Variants in TMIE observed in about 807,000 individuals in gnomAD.
TMIE encodes transmembrane inner ear expressed protein.
Under a neutral mutation model 16.8 loss-of-function variants are expected in TMIE, and 14 were observed. That is an observed-to-expected ratio of 0.83 (90% CI 0.55 to 1.30). TMIE has a LOEUF of 1.30. Among genes scored for constraint, TMIE ranks in the 50% most tolerant of loss-of-function variants. The probability of loss-of-function intolerance (pLI) is 0.00; values close to 1 mark genes in which losing one functional copy is unlikely to be tolerated. For synonymous variants in TMIE, 75 were observed against 87.2 expected (o/e 0.86, Z 0.78); for missense variants, 204 against 205.9 (o/e 0.99, Z 0.06).
intron 3 of TMIE, 31 bp downstream of exon 3, chr3:46,709,306 G>A (rs772204699): frequency 2.5e-5 from 40 of 1,610,420 alleles, no homozygotes; most frequent in East Asian, 4.5e-5. Flanking sequence ...GCCCTGCTGC[G>A]CCAGCCAGTT....
intron 1 of TMIE, among the ~76,000 whole-genome samples, chr3:46,703,494 C>T (rs1254481192): frequency 6.6e-6 from 1 of 152,160 alleles, no homozygotes; most frequent in Non-Finnish European, 1.5e-5. Flanking sequence ...ACCCTAATGG[C>T]ACAGACATGT....
chr3:46,704,327 C>T (rs897921294), intron 1 of TMIE, among the ~76,000 whole-genome samples: 10 of 146,478 alleles, frequency 6.8e-5, no homozygotes, highest in Non-Finnish European at 1.5e-4. Context: ...TCCCTAGACA[C>T]CCAGGGCAGG....
At chr3:46,703,663 GC>G (rs1700505974) in intron 1 of TMIE, among the ~76,000 whole-genome samples, 1 of 152,192 alleles carries the variant, frequency 6.6e-6, no homozygotes, top group Non-Finnish European at 1.5e-5. Flanking sequence ...GGAGAAAAGA[GC>G]CTGAGAATCA....
At chr3:46,695,453 A>G (rs1700394259) in intron 1 of TMIE, among the ~76,000 whole-genome samples, 2 of 152,120 alleles carry the variant, frequency 1.3e-5, no homozygotes, top group Non-Finnish European at 2.9e-5. Flanking sequence ...GAGGAGGGGT[A>G]TGGTGGGTTC....
upstream of TMIE, among the ~76,000 whole-genome samples, chr3:46,700,603 C>T (rs1700458449): frequency 6.6e-6 from 1 of 152,150 alleles, no homozygotes. Context: ...ACTCCTCTTC[C>T]TAAGTCTTCA....
rs745816585 is a variant in TMIE, at chr3:46,709,207, C to A, written c.293C>A (p.Ala98Glu). ...GAAGCCCGGTACCTGCAGCGAAAGG[C>A]AGCCAAGATGTACACAGACAAGCTG... is the stretch of plus-strand genomic sequence containing the variant. ...EIEARYLQRK[A>E]AKMYTDKLET... Residue 98 changes from alanine to glutamate, a missense_variant, in exon 3 of 4, where the codon GCA (alanine) becomes GAA (glutamate). Physicochemically the swap from Ala to Glu is moderately radical, Grantham distance 107. Coordinates refer to ENST00000643606, the MANE Select transcript of TMIE (RefSeq NM_147196.3). The A allele has an allele frequency of 6.2e-7, 1 of 1,614,082 alleles. No homozygotes were observed. The highest frequency in any genetic ancestry group is 8.5e-7 in the Non-Finnish European group (1 of 1,180,054).
In TMIE at chr3:46,709,825, C is replaced by A. The variant is rs1700598943; in HGVS notation, c.*137C>A. ...GGGAAGCTGAGGCCCATGGCCACAT[C>A]CTCATGGCCCATCAGGGGCAGGAAC... On this transcript the variant is annotated 3_prime_UTR_variant, in exon 4 of 4. Transcript: ENST00000643606. 6.6e-7 allele frequency: 1 copy of A among 1,523,362 alleles called. No individual in the cohort carries two copies. 94.4% of individuals were successfully genotyped at this position (1,523,362 alleles called of 1,614,324 possible).
upstream of TMIE, among the ~76,000 whole-genome samples, chr3:46,697,540 C>T (rs1312967742): frequency 1.3e-5 from 2 of 152,162 alleles, no homozygotes; most frequent in African/African-American, 2.4e-5. Context: ...TCAGCTGTAT[C>T]CTTCGTAATA....
At chr3:46,708,155 A>G (rs1700575936) in intron 2 of TMIE, among the ~76,000 whole-genome samples, 1 of 152,038 alleles carries the variant, frequency 6.6e-6, no homozygotes, top group Non-Finnish European at 1.5e-5. Flanking sequence ...TTTTTCTTTT[A>G]TTCTGAGCCT....
At chr3:46,699,277 G>A (rs568911420), upstream of TMIE, among the ~76,000 whole-genome samples, 3 of 152,056 alleles carry the variant, frequency 2.0e-5, no homozygotes, top group South Asian at 6.2e-4. Context: ...TCTCCATGTT[G>A]GTCAGGCTGG....
upstream of TMIE, among the ~76,000 whole-genome samples, chr3:46,698,824 C>G (rs928114779): frequency 6.6e-6 from 1 of 151,758 alleles, no homozygotes; most frequent in African/African-American, 2.4e-5. Flanking sequence ...GTTTCTTTTT[C>G]TTTTCTTTTC....
intron 1 of TMIE, among the ~76,000 whole-genome samples, chr3:46,702,835 T>C (rs1473674357): frequency 6.6e-6 from 1 of 152,116 alleles, no homozygotes; most frequent in African/African-American, 2.4e-5. Context: ...TCAGCTCCAG[T>C]GTCCCTGTAA....
At chr3:46,704,201 G>A (rs1299195123) in intron 1 of TMIE, among the ~76,000 whole-genome samples, 1 of 145,650 alleles carries the variant, frequency 6.9e-6, no homozygotes, top group African/African-American at 2.6e-5. Context: ...CACCCAGGGT[G>A]AAGCATATCC....
upstream of TMIE, chr3:46,693,827 C>G (rs1027757132): frequency 6.6e-6 from 1 of 152,046 alleles, no homozygotes; most frequent in Non-Finnish European, 1.5e-5. Flanking sequence ...GGAGCTGGCG[C>G]GCGGTATTGA....
In TMIE at chr3:46,696,198, C is replaced by T. The variant is rs189159854; in HGVS notation, c.-67+1580C>T. On this transcript the variant is annotated intron_variant, in intron 1 of 3. Transcript: ENST00000644830. ...CCACTGGTAAGGACTCCAAGTTGCA[C>T]AACTCTAGTGGCAGCCCTGGGTATG... Among the ~76,000 whole-genome samples the T allele has an allele frequency of 3.3e-3, 505 of 152,328 alleles. 2 individuals carry two copies. The highest frequency in any genetic ancestry group is 0.011 in the African/African-American group (472 of 41,548).
upstream of TMIE, among the ~76,000 whole-genome samples, chr3:46,700,154 G>T (rs949199080): frequency 2.0e-5 from 3 of 152,210 alleles, no homozygotes; most frequent in African/African-American, 7.2e-5. Flanking sequence ...GGGGAGGACT[G>T]GGTGGCCCAG....
chr3:46,699,464 G>C (rs772880739), upstream of TMIE, among the ~76,000 whole-genome samples: 4 of 152,172 alleles, frequency 2.6e-5, no homozygotes, highest in Non-Finnish European at 5.9e-5. Context: ...TGCTGTTTAA[G>C]TTCAGTCAGT....
At chr3:46,696,082 C>T (rs1007472502) in intron 1 of TMIE, among the ~76,000 whole-genome samples, 1 of 152,216 alleles carries the variant, frequency 6.6e-6, no homozygotes, top group Non-Finnish European at 1.5e-5. Context: ...TACCCACCCA[C>T]ACCACTCCCA....
upstream of TMIE, chr3:46,701,345 A>C (rs2106775229): frequency 1.2e-5 from 7 of 585,968 alleles, no homozygotes; most frequent in Non-Finnish European, 1.9e-5. This position sits in a 1 kb window ranked among gnomAD's most constrained non-coding sequence, Gnocchi z 4.3. Flanking sequence ...CGGCGCGGGA[A>C]CCTGACACCG....
Sources: allele counts gnomAD v4.1 joint callset (sites outside exome capture counted in the v4.1 genomes callset), GRCh38; gene constraint gnomAD v4.1.1; non-coding constraint Gnocchi (gnomAD v3.1); transcripts MANE v1.5; gene names NCBI Gene and HGNC (gene_info 2026-07-23, HGNC 2026-07-21).